The following VWDE variants were observed in gnomAD, a reference collection of about 807,000 sequenced individuals.
VWDE encodes von Willebrand factor D and EGF domain-containing protein.
Under a neutral mutation model 178.4 loss-of-function variants are expected in VWDE, and 207 were observed. The observed-to-expected ratio is 1.16, with a 90% CI of 1.04 to 1.30. The LOEUF is 1.30. Ranked by LOEUF, VWDE falls within the 50% of genes most tolerant of loss-of-function variation. VWDE has a pLI of 0.00. For synonymous variants in VWDE, 738 were observed against 651.4 expected, an observed-to-expected ratio of 1.13 and a Z score of -2.02; for missense variants, 2,287 against 1,901.3, an observed-to-expected ratio of 1.20 and a Z score of -3.77.
intron 27 of VWDE, 59 bp from the exon 28 acceptor site, chr7:12,333,627 T>C (rs956551990): frequency 8.5e-7 from 1 of 1,177,030 alleles, no homozygotes; most frequent in African/African-American, 1.5e-5. Context: ...TGTGGCATAT[T>C]CTATCCTAGT....
At chr7:12,394,515 A>G (rs781643395) in intron 1 of VWDE, among the ~76,000 whole-genome samples, 3 of 152,138 alleles carry the variant, frequency 2.0e-5, no homozygotes, top group Non-Finnish European at 4.4e-5. Flanking sequence ...TGAAATCCAC[A>G]GAGGCCGAAC....
chr7:12,345,154 A>G (rs1781534585), intron 19 of VWDE, among the ~76,000 whole-genome samples: 1 of 152,078 alleles, frequency 6.6e-6, no homozygotes, highest in African/African-American at 2.4e-5. Flanking sequence ...AATATATATT[A>G]TATAGTTGTA....
chr7:12,358,845 C>T (rs974143040), intron 16 of VWDE, among the ~76,000 whole-genome samples: 1 of 152,200 alleles, frequency 6.6e-6, no homozygotes, highest in African/African-American at 2.4e-5. Context: ...CCATTGTCTT[C>T]CCACAGCATT....
chr7:12,343,983 C>T (rs1045967303), intron 21 of VWDE, among the ~76,000 whole-genome samples: 3 of 151,782 alleles, frequency 2.0e-5, no homozygotes, highest in African/African-American at 7.3e-5. Context: ...AAGCTATTGC[C>T]CCTTGAATCT....
Position 12,380,738 on chromosome 7 carries a change from G to A in VWDE, c.542-5C>T, listed in dbSNP as rs1399749671. On this transcript the variant is annotated splice_polypyrimidine_tract_variant and splice_region_variant and intron_variant, in intron 4 of 28. Coordinates refer to ENST00000275358, the MANE Select transcript of VWDE (RefSeq NM_001135924.3). ...GCAATGAGGCAGCCAGCTGACCTGGGGAGAAAATGCATAATTTGTAACTGG... is the reference window on the plus strand; with the variant it reads ...GCAATGAGGCAGCCAGCTGACCTGGAGAGAAAATGCATAATTTGTAACTGG... 1.9e-6 allele frequency: 3 copies of A among 1,550,724 alleles called. No homozygotes were observed. The highest frequency in any genetic ancestry group is 2.0e-5 in the Admixed American group (1 of 50,872).
chr7:12,364,178 G>C (rs534662753), intron 13 of VWDE, among the ~76,000 whole-genome samples: 1 of 152,160 alleles, frequency 6.6e-6, no homozygotes, highest in Admixed American at 6.6e-5. Flanking sequence ...AACTCACAGA[G>C]ATGACAGATA....
At position 12,343,556 on chromosome 7, in the gene VWDE, A is replaced by G. The variant is rs936351985; in HGVS notation, c.4079-378T>C. 3.9e-5 allele frequency among the ~76,000 whole-genome samples: 6 copies of G among 152,242 alleles called. No homozygotes were observed. In the East Asian group the frequency reaches 7.7e-4, roughly 20 times the overall value. ...TATTAGTTCACCCTAAATTTACTTT[A>G]ATTTGTTAATTTGTAGCTTGCTTTG... On this transcript the variant is annotated intron_variant, in intron 21 of 28. Coordinates refer to ENST00000275358, the MANE Select transcript of VWDE (RefSeq NM_001135924.3).
rs1249948832 is a variant in VWDE, at chr7:12,383,527, G to T, written c.541+9C>A. On this transcript the variant is annotated intron_variant, in intron 4 of 28. Transcript: ENST00000275358. The stretch of plus-strand genomic sequence containing the variant: ...AAACACTATTAAAAAAGCAAAATAT[G>T]ATACTTACGAACACAATCACCTCCT... The T allele has an allele frequency of 1.9e-6, 3 of 1,549,068 alleles. No homozygotes were observed. The East Asian group carries it at 7.4e-5, about 38-fold the overall frequency.
chr7:12,366,159 G>A (rs991208943), intron 13 of VWDE, among the ~76,000 whole-genome samples: 1 of 152,080 alleles, frequency 6.6e-6, no homozygotes, highest in Admixed American at 6.6e-5. Context: ...GGAACTGTGA[G>A]CCAATTAAAC....
At chr7:12,368,758 C>T (rs192375918) in intron 12 of VWDE, among the ~76,000 whole-genome samples, 3 of 152,092 alleles carry the variant, frequency 2.0e-5, no homozygotes, top group African/African-American at 4.8e-5. Context: ...GGAGAATCTA[C>T]GATAATCTGA....
chr7:12,351,636 C>A lies in VWDE; in HGVS notation c.3823G>T (p.Glu1275Ter). The change falls in exon 19 of 29, where the codon GAG (glutamate) becomes TAG (stop). Residue 1275 changes from glutamate (E) to a stop codon, truncating the protein, a stop_gained. Coordinates refer to ENST00000275358, the MANE Select transcript of VWDE (RefSeq NM_001135924.3). LOFTEE classifies it high-confidence loss of function. Reference protein sequence around the residue: ...TRSDKSVNKEEDDKNAQGRKR... With the variant: ...TRSDKSVNKE ...CTCCCTTGGGCATTTTTATCATCCTCTTCTTTATTTACACTTTTATCAGAT... is the reference window on the plus strand; with the variant it reads ...CTCCCTTGGGCATTTTTATCATCCTATTCTTTATTTACACTTTTATCAGAT... 6.5e-7 allele frequency: 1 copy of A among 1,547,104 alleles called. No homozygotes were observed. The highest frequency in any genetic ancestry group is 8.7e-7 in the Non-Finnish European group (1 of 1,145,502).
At chr7:12,398,622 C>G (rs1784735794) in intron 1 of VWDE, among the ~76,000 whole-genome samples, 1 of 152,146 alleles carries the variant, frequency 6.6e-6, no homozygotes, top group Non-Finnish European at 1.5e-5. Flanking sequence ...TAGCAATACT[C>G]ATTGTTTCAG....
chr7:12,381,753 T>C (rs1265009388), intron 4 of VWDE, among the ~76,000 whole-genome samples: 1 of 151,862 alleles, frequency 6.6e-6, no homozygotes, highest in Non-Finnish European at 1.5e-5. Context: ...TTTTAAATAT[T>C]ATATATCTGA....
intron 16 of VWDE, 56 bp from the exon 17 acceptor site, chr7:12,357,571 A>C (rs1357236919): frequency 1.4e-5 from 21 of 1,525,390 alleles, no homozygotes; most frequent in Non-Finnish European, 1.7e-5. Flanking sequence ...AATGAAGTGT[A>C]CTTCTGAGAG....
chr7:12,334,012 T>A (rs1780877110), intron 27 of VWDE, among the ~76,000 whole-genome samples: 2 of 152,290 alleles, frequency 1.3e-5, no homozygotes, highest in South Asian at 4.1e-4. Context: ...GGAAGTTTAA[T>A]GTGAAATAAC....
chr7:12,355,949 A>G (rs977459015), intron 18 of VWDE, among the ~76,000 whole-genome samples, 162 bp downstream of exon 18: 2 of 152,256 alleles, frequency 1.3e-5, no homozygotes, highest in African/African-American at 4.8e-5. Context: ...GCAATTTACA[A>G]AAACAAGGGA....
In VWDE at chr7:12,370,854, G is replaced by T; in HGVS notation, c.1598C>A (p.Ser533Tyr). The change falls in exon 11 of 29, where the codon TCT becomes TAT. Residue 533 changes from serine to tyrosine, a missense_variant. Ser to Tyr is a moderately radical substitution (Grantham distance 144). Transcript: ENST00000275358. Reference protein sequence around the residue: ...YLGRKVTIWFSSGAFIRADLG... With the variant: ...YLGRKVTIWFYSGAFIRADLG... ...ATCAGCACGGATAAATGCCCCAGAA[G>T]AAAACCAGATCTGAAAAACAGAAAT... 6.6e-7 allele frequency: 1 copy of T among 1,518,918 alleles called. No homozygotes were observed. The highest frequency in any genetic ancestry group is 8.8e-7 in the Non-Finnish European group (1 of 1,134,004). The allele number at this position is 1,518,918 out of a possible 1,614,324, so 94.1% of individuals were successfully genotyped here. A position where few individuals can be genotyped will look rare whatever the true frequency, so the allele number is the denominator to read the frequency against.
At chr7:12,359,205 A>T (rs1274194734) in intron 16 of VWDE, among the ~76,000 whole-genome samples, 1 of 152,212 alleles carries the variant, frequency 6.6e-6, no homozygotes, top group African/African-American at 2.4e-5. Flanking sequence ...GACATCACAC[A>T]ACAGTAGTAC....
At chr7:12,385,822 T>A (rs2128559963) in intron 3 of VWDE, among the ~76,000 whole-genome samples, 1 of 152,248 alleles carries the variant, frequency 6.6e-6, no homozygotes, top group East Asian at 1.9e-4. Context: ...AACAATTGTC[T>A]CCCAGAATTC....
Sources: allele counts gnomAD v4.1 joint callset (sites outside exome capture counted in the v4.1 genomes callset), GRCh38; gene constraint gnomAD v4.1.1; transcripts MANE v1.5; gene names NCBI Gene and HGNC (gene_info 2026-07-23, HGNC 2026-07-21).